The following SLC22A3 variants were observed in gnomAD, a reference collection of about 807,000 sequenced individuals.
The protein encoded by SLC22A3 is solute carrier family 22 member 3, also known as EMT organic cation transporter 3.
A neutral mutation model predicts 59.1 loss-of-function variants in SLC22A3; 51 were observed. The observed-to-expected ratio is 0.86, with a 90% CI of 0.69 to 1.09. SLC22A3 has a LOEUF of 1.09. Ranked by LOEUF, SLC22A3 falls within the 50% of genes least tolerant of loss-of-function variation. SLC22A3 has a pLI of 0.00. For synonymous variants in SLC22A3, 325 were observed against 292.0 expected, an observed-to-expected ratio of 1.11 and a Z score of -1.15; for missense variants, 711 against 726.3, an observed-to-expected ratio of 0.98 and a Z score of 0.24.
intron 1 of SLC22A3, among the ~76,000 whole-genome samples, chr6:160,390,634 G>C (rs187152568): frequency 2.0e-5 from 3 of 152,278 alleles, no homozygotes; most frequent in African/African-American, 4.8e-5. Context: ...AGCCACCAGG[G>C]AGATGCAGCT....
chr6:160,419,268 C>T (rs1283391165), intron 5 of SLC22A3, among the ~76,000 whole-genome samples: 2 of 152,168 alleles, frequency 1.3e-5, no homozygotes, highest in Middle Eastern at 3.2e-3. Context: ...AATATTGCTA[C>T]AGAAAGGGAC....
chr6:160,374,598 G>A (rs1785521867), intron 1 of SLC22A3, among the ~76,000 whole-genome samples: 1 of 152,208 alleles, frequency 6.6e-6, no homozygotes, highest in Admixed American at 6.5e-5. Context: ...GCAATGTCTT[G>A]TGAGACAGAC....
At chr6:160,444,641 C>T (rs890565481) in intron 9 of SLC22A3, among the ~76,000 whole-genome samples, 4 of 152,314 alleles carry the variant, frequency 2.6e-5, no homozygotes, top group South Asian at 2.1e-4. Context: ...GCTGCTCCAA[C>T]GGTCCTGCCT....
intron 8 of SLC22A3, among the ~76,000 whole-genome samples, chr6:160,443,232 C>A (rs1457760484): frequency 6.6e-6 from 1 of 152,230 alleles, no homozygotes; most frequent in Non-Finnish European, 1.5e-5. Flanking sequence ...GCATTACATG[C>A]ATTGCAGTGG....
At chr6:160,349,722 G>A (rs1393256532) in intron 1 of SLC22A3, among the ~76,000 whole-genome samples, 1 of 152,178 alleles carries the variant, frequency 6.6e-6, no homozygotes, top group Non-Finnish European at 1.5e-5. Flanking sequence ...CAGATATAGA[G>A]CAGAGTCACT....
chr6:160,383,182 A>G (rs1785860600), intron 1 of SLC22A3, among the ~76,000 whole-genome samples: 1 of 152,214 alleles, frequency 6.6e-6, no homozygotes, highest in Admixed American at 6.5e-5. Flanking sequence ...AACTTTCCTT[A>G]GGCATTATAG....
chr6:160,385,927 A>C (rs984168102), intron 1 of SLC22A3, among the ~76,000 whole-genome samples: 6 of 152,136 alleles, frequency 3.9e-5, no homozygotes, highest in Middle Eastern at 3.2e-3. Flanking sequence ...AGAGGAATCC[A>C]TAAATCTGTG....
intron 1 of SLC22A3, among the ~76,000 whole-genome samples, chr6:160,371,353 C>T (rs1785391086): frequency 6.6e-6 from 1 of 152,114 alleles, no homozygotes; most frequent in South Asian, 2.1e-4. Flanking sequence ...CCCTGACAGG[C>T]CCTGGTGTGT....
chr6:160,394,575 G>A (rs186377086), intron 1 of SLC22A3, among the ~76,000 whole-genome samples: 53 of 152,332 alleles, frequency 3.5e-4, no homozygotes, highest in African/African-American at 1.2e-3. Context: ...GTGGATGTGT[G>A]TGCATTTCTT....
At position 160,443,711 on chromosome 6, in the gene SLC22A3, C is replaced by T. The variant is rs375441947; in HGVS notation, c.1479C>T (p.Ala493=). The T allele has an allele frequency of 1.9e-5, 31 of 1,613,206 alleles. 1 individual carries two copies. In the Middle Eastern group the frequency reaches 8.2e-4, roughly 43 times the overall value. The part of the protein sequence containing the change: ...IAPFLLFRLA[A]VWLELPLIIF... Reference sequence around the variant, plus strand: ...CATTTCTGCTCTTTCGGCTAGCAGCCGTGTGGCTAGAACTACCTCTGATCA... The same window carrying T: ...CATTTCTGCTCTTTCGGCTAGCAGCTGTGTGGCTAGAACTACCTCTGATCA... The change falls in exon 9 of 11, where the codon GCC becomes GCT. Residue 493 remains alanine (A), a synonymous_variant. Transcript: ENST00000275300.
rs575208970 is a variant in SLC22A3 at position 160,375,147 on chromosome 6, C to A, written c.430-22832C>A. ...CAGATCTGGAAATTTGATGGCTTTG[C>A]TCCTCTTTTTCCTGAAAGAAATGGA... On this transcript the variant is annotated intron_variant, in intron 1 of 10. Transcript: ENST00000275300. Among the ~76,000 whole-genome samples, 9 of 152,326 alleles carry A rather than the reference C, an allele frequency of 5.9e-5. No homozygotes were observed. In the South Asian group the frequency reaches 1.7e-3, roughly 28 times the overall value.
At chr6:160,376,414 G>T (rs915847424) in intron 1 of SLC22A3, among the ~76,000 whole-genome samples, 1 of 152,172 alleles carries the variant, frequency 6.6e-6, no homozygotes, top group Non-Finnish European at 1.5e-5. Flanking sequence ...GCTAATGCTC[G>T]TGGGTCTTAA....
In SLC22A3 at chr6:160,348,671, C is replaced by A. The variant is rs8187716; in HGVS notation, c.252C>A (p.Pro84=). 351 of 1,507,098 alleles carry A rather than the reference C, an allele frequency of 2.3e-4. 2 individuals are homozygous for A. In the African/African-American group the frequency reaches 4.0e-3, roughly 17 times the overall value. 93.4% of individuals were successfully genotyped at this position (1,507,098 alleles called of 1,614,324 possible). Residue 84 remains proline (P), a synonymous_variant, in exon 1 of 11, where the codon CCC becomes CCA. Transcript: ENST00000275300. Reference sequence around the variant, plus strand: ...CCGCCTCCCGCGGCCCAGAGCCCCCCGAGCGCCGCGGCCGCTGCCAGCGCT... The same window carrying A: ...CCGCCTCCCGCGGCCCAGAGCCCCCAGAGCGCCGCGGCCGCTGCCAGCGCT... ...TAPASRGPEP[P]ERRGRCQRYL...
intron 5 of SLC22A3, chr6:160,425,949 C>T (rs1395403385): frequency 1.0e-6 from 1 of 985,426 alleles, no homozygotes; most frequent in Non-Finnish European, 1.2e-6. Flanking sequence ...GTGCTACTGG[C>T]TTATGGCTGA....
At chr6:160,426,042 T>C in intron 5 of SLC22A3, 1 of 985,468 alleles carries the variant, frequency 1.0e-6, no homozygotes, top group Non-Finnish European at 1.2e-6. Context: ...AGTTACCATG[T>C]GCAGAAAATA....
chr6:160,356,621 A>G (rs956232586), intron 1 of SLC22A3, among the ~76,000 whole-genome samples: 4 of 152,196 alleles, frequency 2.6e-5, no homozygotes, highest in African/African-American at 9.6e-5. Flanking sequence ...CTTCATGGCT[A>G]TGGAGTGGGG....
chr6:160,353,243 A>G (rs1292396399), intron 1 of SLC22A3, among the ~76,000 whole-genome samples: 3 of 152,260 alleles, frequency 2.0e-5, no homozygotes, highest in African/African-American at 7.2e-5. Context: ...CCTCAGAACA[A>G]GGAAAATATT....
At chr6:160,348,910 C>A in intron 1 of SLC22A3, 62 bp downstream of exon 1, 1 of 1,534,428 alleles carries the variant, frequency 6.5e-7, no homozygotes, top group Non-Finnish European at 8.7e-7. Flanking sequence ...CCCAGGCGGA[C>A]AAGCCGCGTG....
chr6:160,396,260 A>G (rs945533314), intron 1 of SLC22A3, among the ~76,000 whole-genome samples: 1 of 152,236 alleles, frequency 6.6e-6, no homozygotes, highest in Non-Finnish European at 1.5e-5. Context: ...ATATTGTTCC[A>G]GTATTAAGAA....
Sources: allele counts gnomAD v4.1 joint callset (sites outside exome capture counted in the v4.1 genomes callset), GRCh38; gene constraint gnomAD v4.1.1; transcripts MANE v1.5; gene names NCBI Gene and HGNC (gene_info 2026-07-23, HGNC 2026-07-21).